Variants in DVL3 observed in about 807,000 individuals in gnomAD.
The protein encoded by DVL3 is dishevelled segment polarity protein 3.
DVL3 carries 27 observed loss-of-function variants against 67.4 expected under a neutral mutation model. The ratio of observed to expected loss-of-function variants is 0.40; its 90% CI spans 0.30 to 0.55. The LOEUF (loss-of-function observed/expected upper bound fraction) is 0.55, where lower values mean the gene tolerates loss of function less well. DVL3 is among the 20% of genes least tolerant of loss of function. The pLI is 0.46. For missense variants in DVL3, 819 were observed against 1,021.5 expected (o/e 0.80, Z 2.70); for synonymous variants, 369 against 396.8 (o/e 0.93, Z 0.83).
rs1714599308 is a variant in DVL3 at position 184,166,637 on chromosome 3, G to A, written c.1012G>A (p.Asp338Asn). The change falls in exon 10 of 15, where the codon GAC becomes AAC. Residue 338 changes from aspartate to asparagine, a missense_variant. Physicochemically the swap from Asp to Asn is conservative, Grantham distance 23. Transcript: ENST00000313143. This position sits in a 1 kb window ranked among gnomAD's most constrained non-coding sequence, Gnocchi z 6.7. ...CACCCTGACTGTAGCCAAGTGCTGG[G>A]ACCCAAGTCCACGTGGTTGCTTCAC... ...PITLTVAKCWDPSPRGCFTLP... is the reference protein window; with the variant it reads ...PITLTVAKCWNPSPRGCFTLP... The A allele has an allele frequency of 6.2e-7, 1 of 1,614,034 alleles. No homozygotes were observed.
intron 1 of DVL3, chr3:184,156,254 A>G (rs1160494840): frequency 4.4e-6 from 2 of 453,244 alleles, no homozygotes; most frequent in East Asian, 1.4e-4. Context: ...TATTTGGAGT[A>G]TGCTGCATCT....
chr3:184,168,013 C>T lies in DVL3; in HGVS notation c.1446C>T (p.Asn482=), dbSNP rs751583860. 1.8e-5 allele frequency: 29 copies of T among 1,614,154 alleles called. No homozygotes were observed. In the South Asian group the frequency reaches 3.1e-4, roughly 17 times the overall value. ...LKAGFIRHTV[N]KITFSEQCYY... is the part of the protein sequence containing the mutation. The stretch of plus-strand genomic sequence containing the variant: ...CTGGCTTCATCCGCCATACCGTCAA[C>T]AAGATCACCTTCTCCGAGCAGTGCT... Residue 482 remains asparagine, a synonymous_variant, in exon 13 of 15, where the codon AAC becomes AAT. Coordinates refer to ENST00000313143, the MANE Select transcript of DVL3 (RefSeq NM_004423.4).
At position 184,171,556 on chromosome 3, in the gene DVL3, G is replaced by T. The variant is rs1714840722; in HGVS notation, c.*801G>T. The T allele has an allele frequency of 2.0e-6, 2 of 985,884 alleles. No homozygotes were observed. Among genetic ancestry groups the T allele is most frequent in the African/African-American group, 1.7e-5 (1 of 57,230 alleles). 61.1% of individuals were successfully genotyped at this position (985,884 alleles called of 1,614,324 possible). The stretch of plus-strand genomic sequence containing the variant: ...TTTTTCCTCCCCCAATTTACCCTGG[G>T]CCTGGAGCAGCCAAGAATTTCGGGC... On this transcript the variant is annotated 3_prime_UTR_variant, in exon 15 of 15. Coordinates refer to ENST00000313143, the MANE Select transcript of DVL3 (RefSeq NM_004423.4).
chr3:184,172,592 G>T lies in DVL3; in HGVS notation c.*1837G>T, dbSNP rs1350003507. On this transcript the variant is annotated 3_prime_UTR_variant, in exon 15 of 15. Coordinates refer to ENST00000313143, the MANE Select transcript of DVL3 (RefSeq NM_004423.4). Reference sequence around the variant, plus strand: ...CTACTAAAAATACAAAAATTAGATGGGTGTTTTGGCACCTGCCTGTAATCT... The same window carrying T: ...CTACTAAAAATACAAAAATTAGATGTGTGTTTTGGCACCTGCCTGTAATCT... 1 of 152,084 alleles carries T rather than the reference G, an allele frequency of 6.6e-6. No individual in the cohort carries two copies. Among genetic ancestry groups the T allele is most frequent in the East Asian group, 1.9e-4 (1 of 5,186 alleles). 9.4% of individuals were successfully genotyped at this position (152,084 alleles called of 1,614,324 possible).
chr3:184,156,128 A>C (rs1714176889), intron 1 of DVL3, among the ~76,000 whole-genome samples: 2 of 151,398 alleles, frequency 1.3e-5, no homozygotes, highest in South Asian at 4.2e-4. Context: ...TCAGAGCCCG[A>C]GTCCCCCATC....
chr3:184,170,733 A>G lies in DVL3; in HGVS notation c.2129A>G (p.Glu710Gly). The change falls in exon 15 of 15, where the codon GAG becomes GGG. Residue 710 changes from glutamate (E) to glycine (G), a missense_variant. This residue lies in a region of DVL3 where 324 missense variants were observed against 331.3 expected (regional missense o/e 0.98). Transcript: ENST00000313143. This position sits in a 1 kb window ranked among gnomAD's most constrained non-coding sequence, Gnocchi z 6.5. ...CGCATGGCCATGGGAAACCCCAGTG[A>G]GTTCTTTGTGGATGTGATGTGAGCA... The part of the protein sequence containing the change: ...SFRMAMGNPS[E>G]FFVDVM The G allele has an allele frequency of 6.2e-7, 1 of 1,613,380 alleles. No individual in the cohort carries two copies. The highest frequency in any genetic ancestry group is 8.5e-7 in the Non-Finnish European group (1 of 1,179,890).
rs746446875 is a variant in DVL3 at position 184,170,925 on chromosome 3, G to C, written c.*170G>C. ...GCTGCGAGGGTGGGGTGCACCTACCGATTGGCTCTGCAGCCCCCTAACCTG... is the reference window on the plus strand; with the variant it reads ...GCTGCGAGGGTGGGGTGCACCTACCCATTGGCTCTGCAGCCCCCTAACCTG... On this transcript the variant is annotated 3_prime_UTR_variant, in exon 15 of 15. Transcript: ENST00000313143. This position sits in a 1 kb window ranked among gnomAD's most constrained non-coding sequence, Gnocchi z 6.5. 3.4e-5 allele frequency: 53 copies of C among 1,540,114 alleles called. No individual in the cohort carries two copies. In the South Asian group the frequency reaches 6.4e-4, roughly 19 times the overall value.
At chr3:184,157,079 T>C (rs1302262622) in intron 1 of DVL3, 1 of 154,608 alleles carries the variant, frequency 6.5e-6, no homozygotes, top group Non-Finnish European at 1.4e-5. Flanking sequence ...TGTGTGAGAG[T>C]GCTTTGTACA....
intron 1 of DVL3, among the ~76,000 whole-genome samples, chr3:184,161,715 C>T (rs1304672140): frequency 6.6e-6 from 1 of 152,196 alleles, no homozygotes; most frequent in African/African-American, 2.4e-5. Flanking sequence ...CATCATTGTC[C>T]TCCAGCACCC....
intron 1 of DVL3, among the ~76,000 whole-genome samples, chr3:184,161,302 C>T (rs1371951696): frequency 6.6e-6 from 1 of 152,160 alleles, no homozygotes; most frequent in Non-Finnish European, 1.5e-5. Context: ...TGGCAGGCAC[C>T]TGTAATCCCA....
Position 184,170,050 on chromosome 3 carries a change from G to T in DVL3, c.1543G>T (p.Ala515Ser). 6.2e-7 allele frequency: 1 copy of T among 1,613,084 alleles called. No homozygotes were observed. ...CCACGATCACGATGGCTCCAGTGGC[G>T]CCTCTGACCAGGACACACTGGCCCC... is the stretch of plus-strand genomic sequence containing the variant. ...SLHDHDGSSG[A>S]SDQDTLAPLP... The change falls in exon 14 of 15, where the codon GCC becomes TCC. Residue 515 changes from alanine to serine, a missense_variant. Around this residue, in one of 3 missense-constraint regions of DVL3, gnomAD observed 324 missense variants for 331.3 expected, o/e 0.98. Transcript: ENST00000313143. The surrounding 1 kb of genome is among the most constrained non-coding windows in gnomAD (Gnocchi z 6.5).
Position 184,166,418 on chromosome 3 carries a change from G to A in DVL3, c.904-28G>A. On this transcript the variant is annotated intron_variant, in intron 8 of 14. Transcript: ENST00000313143. The surrounding 1 kb of genome is among the most constrained non-coding windows in gnomAD (Gnocchi z 6.7). ...CCTTTTCATCCTCCCCAGCACAGCT[G>A]TTTATCCCACTCCTGGTCCTTTCCC... 6.2e-7 allele frequency: 1 copy of A among 1,613,938 alleles called. No homozygotes were observed. Among genetic ancestry groups the A allele is most frequent in the Non-Finnish European group, 8.5e-7 (1 of 1,179,836 alleles).
chr3:184,155,797 G>T lies in DVL3; in HGVS notation c.161+1G>T, dbSNP rs1420322752. 6.2e-7 allele frequency: 1 copy of T among 1,605,544 alleles called. No individual in the cohort carries two copies. The highest frequency in any genetic ancestry group is 1.7e-5 in the Admixed American group (1 of 59,666). ...TCAAGTCTATGGACGACGATTTCGG[G>T]TGAGGATGGCCCCCGCCCCGCCTCC... On this transcript the variant is annotated splice_donor_variant, in intron 1 of 14. Transcript: ENST00000313143. LOFTEE classifies it high-confidence loss of function. The surrounding 1 kb of genome is among the most constrained non-coding windows in gnomAD (Gnocchi z 5.4).
intron 1 of DVL3, among the ~76,000 whole-genome samples, chr3:184,159,997 T>G (rs1465441344): frequency 1.3e-5 from 2 of 152,060 alleles, no homozygotes; most frequent in African/African-American, 4.8e-5. Flanking sequence ...TGGAGTGCAG[T>G]GGCACGATCT....
In DVL3 at chr3:184,171,393, C is replaced by G; in HGVS notation, c.*638C>G. 14 of 998,602 alleles carry G rather than the reference C, an allele frequency of 1.4e-5. No individual in the cohort carries two copies. Among genetic ancestry groups the G allele is most frequent in the Non-Finnish European group, 1.7e-5 (14 of 839,082 alleles). The allele number at this position is 998,602 out of a possible 1,614,324, so 61.9% of individuals were successfully genotyped here. ...CAGAGGGCCCCCTCAGTTGCCTGAG[C>G]AGCTGGTGGCTTCCAGGGAGCATCT... On this transcript the variant is annotated 3_prime_UTR_variant, in exon 15 of 15. Coordinates refer to ENST00000313143, the MANE Select transcript of DVL3 (RefSeq NM_004423.4).
rs1714804130 is a variant in DVL3 at position 184,170,789 on chromosome 3, A to G, written c.*34A>G. 4 of 1,607,726 alleles carry G rather than the reference A, an allele frequency of 2.5e-6. No individual in the cohort carries two copies. The highest frequency in any genetic ancestry group is 3.4e-6 in the Non-Finnish European group (4 of 1,177,722). On this transcript the variant is annotated 3_prime_UTR_variant, in exon 15 of 15. Transcript: ENST00000313143. This position sits in a 1 kb window ranked among gnomAD's most constrained non-coding sequence, Gnocchi z 6.5. ...CCTCCCCCAGCTCCATTCCGCTCCC[A>G]CCCCAGCCGGCTGCGTTCCTCTCTC... is the stretch of plus-strand genomic sequence containing the variant.
At position 184,171,010 on chromosome 3, in the gene DVL3, C is replaced by A. The variant is rs1337928239; in HGVS notation, c.*255C>A. 6.9e-7 allele frequency: 1 copy of A among 1,443,676 alleles called. No individual in the cohort carries two copies. The highest frequency in any genetic ancestry group is 1.4e-5 in the African/African-American group (1 of 70,260). 89.4% of individuals were successfully genotyped at this position (1,443,676 alleles called of 1,614,324 possible). A position where few individuals can be genotyped will look rare whatever the true frequency, so the allele number is the denominator to read the frequency against. The stretch of plus-strand genomic sequence containing the variant: ...TCCCTGCGCAGGACTTCCCAGGACC[C>A]CTTTTGTCTCTGGGACCAGACTTGT... On this transcript the variant is annotated 3_prime_UTR_variant, in exon 15 of 15. Coordinates refer to ENST00000313143, the MANE Select transcript of DVL3 (RefSeq NM_004423.4).
chr3:184,166,860 G>A lies in DVL3; in HGVS notation c.1083G>A (p.Trp361Ter). The A allele has an allele frequency of 6.2e-7, 1 of 1,614,060 alleles. No homozygotes were observed. Among genetic ancestry groups the A allele is most frequent in the Non-Finnish European group, 8.5e-7 (1 of 1,180,002 alleles). ...EPIRPIDPAAWVSHTAAMTGT... is the reference protein window; with the variant it reads ...EPIRPIDPAA The stretch of plus-strand genomic sequence containing the variant: ...TCCGGCCCATTGACCCTGCGGCCTG[G>A]GTCTCCCACACTGCAGCCATGACCG... The change falls in exon 11 of 15, where the codon TGG becomes TGA. Residue 361 changes from tryptophan (W) to a stop codon, truncating the protein, a stop_gained. Coordinates refer to ENST00000313143, the MANE Select transcript of DVL3 (RefSeq NM_004423.4). LOFTEE classifies it high-confidence loss of function. This position sits in a 1 kb window ranked among gnomAD's most constrained non-coding sequence, Gnocchi z 6.7.
chr3:184,170,855 G>C lies in DVL3; in HGVS notation c.*100G>C. 5 of 1,557,262 alleles carry C rather than the reference G, an allele frequency of 3.2e-6. No homozygotes were observed. Among genetic ancestry groups the C allele is most frequent in the Non-Finnish European group, 4.3e-6 (5 of 1,151,176 alleles). On this transcript the variant is annotated 3_prime_UTR_variant, in exon 15 of 15. Coordinates refer to ENST00000313143, the MANE Select transcript of DVL3 (RefSeq NM_004423.4). This position sits in a 1 kb window ranked among gnomAD's most constrained non-coding sequence, Gnocchi z 6.5. Reference sequence around the variant, plus strand: ...TTTACTTTGTCTGGTACCTGAAAGGGAAATAAAAGGAACTAAATCCAGGTG... The same window carrying C: ...TTTACTTTGTCTGGTACCTGAAAGGCAAATAAAAGGAACTAAATCCAGGTG...
Sources: allele counts gnomAD v4.1 joint callset (sites outside exome capture counted in the v4.1 genomes callset), GRCh38; gene constraint gnomAD v4.1.1; regional missense constraint gnomAD v4.1.1; non-coding constraint Gnocchi (gnomAD v3.1); transcripts MANE v1.5; gene names NCBI Gene and HGNC (gene_info 2026-07-23, HGNC 2026-07-21).